Variants in ASAP2 observed in about 807,000 individuals in gnomAD.
ASAP2 encodes arf-GAP with SH3 domain, ANK repeat and PH domain-containing protein 2.
A neutral mutation model predicts 131.4 loss-of-function variants in ASAP2; 45 were observed. That is an observed-to-expected ratio of 0.34 (90% CI 0.27 to 0.44). The LOEUF (loss-of-function observed/expected upper bound fraction) is 0.44, where lower values mean the gene tolerates loss of function less well. Among genes scored for constraint, ASAP2 ranks in the 20% least tolerant of loss-of-function variants. The pLI, the probability that ASAP2 is intolerant of heterozygous loss-of-function variation, is 1.00. For synonymous variants in ASAP2, 510 were observed against 503.0 expected, an observed-to-expected ratio of 1.01 and a Z score of -0.19; for missense variants, 1,011 against 1,297.0, an observed-to-expected ratio of 0.78 and a Z score of 3.39.
chr2:9,321,229 T>A (rs1670129901), intron 5 of ASAP2, among the ~76,000 whole-genome samples: 1 of 152,006 alleles, frequency 6.6e-6, no homozygotes, highest in African/African-American at 2.4e-5. Context: ...AAAAAATAGC[T>A]CAGGATATCT....
intron 1 of ASAP2, among the ~76,000 whole-genome samples, chr2:9,248,811 C>T (rs1337325187): frequency 2.0e-5 from 3 of 152,062 alleles, no homozygotes; most frequent in Non-Finnish European, 4.4e-5. Context: ...TGTCCCTGAA[C>T]CTAGTTTTTT....
intron 2 of ASAP2, among the ~76,000 whole-genome samples, chr2:9,286,577 T>C (rs1397077523): frequency 3.3e-5 from 5 of 152,136 alleles, no homozygotes; most frequent in Non-Finnish European, 5.9e-5. Context: ...ACTGAAAACA[T>C]GCACGCAGAG....
chr2:9,365,867 C>T (rs1673435419), intron 15 of ASAP2, among the ~76,000 whole-genome samples: 1 of 152,188 alleles, frequency 6.6e-6, no homozygotes, highest in Non-Finnish European at 1.5e-5. Context: ...GAGTGTGCTC[C>T]TGAGGCCACA....
chr2:9,390,420 C>G (rs905200720), intron 22 of ASAP2, among the ~76,000 whole-genome samples: 2 of 152,256 alleles, frequency 1.3e-5, no homozygotes, highest in African/African-American at 4.8e-5. Context: ...GGGGTCACAC[C>G]TAGCACCTGG....
In ASAP2 at chr2:9,281,811, T is replaced by G. The variant is rs1667145738; in HGVS notation, c.199+2422T>G. On this transcript the variant is annotated intron_variant, in intron 2 of 27. Coordinates refer to ENST00000281419, the MANE Select transcript of ASAP2 (RefSeq NM_003887.3). This position sits in a 1 kb window ranked among gnomAD's most constrained non-coding sequence, Gnocchi z 4.0. ...ATTCATCTGTCGATGAAACTGTCAC[T>G]GCCTCCCCTGATCACCCCACTGTGA... Among the ~76,000 whole-genome samples, 1 of 152,194 alleles carries G rather than the reference T, an allele frequency of 6.6e-6. No homozygotes were observed. Among genetic ancestry groups the G allele is most frequent in the Non-Finnish European group, 1.5e-5 (1 of 68,028 alleles).
At chr2:9,248,392 GTAAT>G in intron 1 of ASAP2, among the ~76,000 whole-genome samples, 1 of 151,850 alleles carries the variant, frequency 6.6e-6, no homozygotes, top group East Asian at 1.9e-4. Flanking sequence ...TTTCTTCTGG[GTAAT>G]TAGTGTATGT....
At chr2:9,298,012 C>T (rs941549508) in intron 3 of ASAP2, among the ~76,000 whole-genome samples, 1 of 152,094 alleles carries the variant, frequency 6.6e-6, no homozygotes, top group South Asian at 2.1e-4. Flanking sequence ...GGGTGAATTG[C>T]GCCTTTCTTG....
Position 9,368,421 on chromosome 2 carries a change from G to T in ASAP2, c.1462-4G>T, listed in dbSNP as rs1179253694. The T allele has an allele frequency of 1.2e-6, 2 of 1,613,416 alleles. No individual in the cohort carries two copies. Among genetic ancestry groups the T allele is most frequent in the African/African-American group, 2.7e-5 (2 of 74,872 alleles). On this transcript the variant is annotated splice_region_variant and splice_polypyrimidine_tract_variant and intron_variant, in intron 15 of 27. Transcript: ENST00000281419. ...TATCCTGAAATAGACTTTCATTTTTGCAGCTCGCCAAGAATATTGGGAATG... is the reference window on the plus strand; with the variant it reads ...TATCCTGAAATAGACTTTCATTTTTTCAGCTCGCCAAGAATATTGGGAATG...
At chr2:9,260,224 T>G (rs1380772234) in intron 1 of ASAP2, among the ~76,000 whole-genome samples, 1 of 152,180 alleles carries the variant, frequency 6.6e-6, no homozygotes, top group Non-Finnish European at 1.5e-5. Context: ...AATTTGTGTG[T>G]GGAGATGTGG....
intron 1 of ASAP2, among the ~76,000 whole-genome samples, chr2:9,212,965 C>T (rs1041020716): frequency 4.6e-5 from 7 of 152,248 alleles, no homozygotes; most frequent in African/African-American, 1.4e-4. Context: ...CCTGGCTCCA[C>T]TCCCTAAAAT....
chr2:9,302,155 T>G (rs1572393167), intron 3 of ASAP2, among the ~76,000 whole-genome samples: 1 of 115,906 alleles, frequency 8.6e-6, no homozygotes, highest in Non-Finnish European at 1.8e-5. Flanking sequence ...ACACAGATGA[T>G]GTGAGTTAGA....
intron 3 of ASAP2, among the ~76,000 whole-genome samples, chr2:9,298,316 T>G (rs1429760336): frequency 6.6e-6 from 1 of 152,092 alleles, no homozygotes; most frequent in African/African-American, 2.4e-5. Flanking sequence ...TGACAGTGGT[T>G]TTGGGAGACC....
At chr2:9,351,214 C>T (rs1041776992) in intron 12 of ASAP2, among the ~76,000 whole-genome samples, 1 of 152,140 alleles carries the variant, frequency 6.6e-6, no homozygotes, top group Non-Finnish European at 1.5e-5. Flanking sequence ...CCTAAAACTC[C>T]TTCACTTGAA....
At chr2:9,338,196 T>G (rs1006325359) in intron 9 of ASAP2, among the ~76,000 whole-genome samples, 12 of 152,242 alleles carry the variant, frequency 7.9e-5, no homozygotes, top group Middle Eastern at 3.4e-3. Flanking sequence ...ACTTGTGTGC[T>G]TCTATGGGGA....
intron 14 of ASAP2, among the ~76,000 whole-genome samples, chr2:9,357,350 G>A (rs1392061371): frequency 1.3e-5 from 2 of 151,978 alleles, no homozygotes; most frequent in South Asian, 2.1e-4. Context: ...GTGGTAGTGC[G>A]CACATGTAGT....
At chr2:9,266,340 T>C (rs1308164319) in intron 1 of ASAP2, among the ~76,000 whole-genome samples, 1 of 152,094 alleles carries the variant, frequency 6.6e-6, no homozygotes, top group East Asian at 1.9e-4. Flanking sequence ...AGAGATGGGG[T>C]CTCACTGTGT....
At chr2:9,229,781 G>A (rs975727790) in intron 1 of ASAP2, among the ~76,000 whole-genome samples, 1 of 152,254 alleles carries the variant, frequency 6.6e-6, no homozygotes, top group Admixed American at 6.5e-5. Context: ...GAGCCTAAGA[G>A]GGGGAGACAG....
At position 9,318,722 on chromosome 2, in the gene ASAP2, T is replaced by C. The variant is rs907919748; in HGVS notation, c.420+124T>C. On this transcript the variant is annotated intron_variant, in intron 4 of 27. Coordinates refer to ENST00000281419, the MANE Select transcript of ASAP2 (RefSeq NM_003887.3). The stretch of plus-strand genomic sequence containing the variant: ...TTGGGACGATAGGATGGCTCTTTTA[T>C]CTCAGCTTCCTCTGATTTGCCATCT... The C allele has an allele frequency of 1.1e-4, 66 of 594,420 alleles. No individual in the cohort carries two copies. The African/African-American group carries it at 1.3e-3, about 11-fold the overall frequency. 36.8% of individuals were successfully genotyped at this position (594,420 alleles called of 1,614,324 possible). A position where few individuals can be genotyped will look rare whatever the true frequency, so the allele number is the denominator to read the frequency against.
chr2:9,397,750 A>ATATATTT (rs1343127000), intron 24 of ASAP2, among the ~76,000 whole-genome samples: 4 of 44,810 alleles, frequency 8.9e-5, no homozygotes, highest in African/African-American at 5.1e-4. Context: ...ATATATATAT[A>ATATATTT]TTTTTTTTTT....
Sources: gnomAD v4.1 joint callset for allele counts (sites outside exome capture counted in the v4.1 genomes callset) on GRCh38, gnomAD v4.1.1 for gene constraint, Gnocchi (gnomAD v3.1) non-coding constraint, MANE v1.5 for transcripts, NCBI Gene and HGNC (gene_info 2026-07-23, HGNC 2026-07-21) for gene names.